Variants in AKAP13 observed in about 807,000 individuals in gnomAD.
The protein encoded by AKAP13 is A-kinase anchor protein 13.
Under a neutral mutation model 264.5 loss-of-function variants are expected in AKAP13, and 80 were observed. That is an observed-to-expected ratio of 0.30 (90% CI 0.25 to 0.36). The LOEUF is 0.36. Among genes scored for constraint, AKAP13 ranks in the 10% least tolerant of loss-of-function variants. The pLI, the probability that AKAP13 is intolerant of heterozygous loss-of-function variation, is 1.00. For synonymous variants in AKAP13, 1,380 were observed against 1,250.2 expected, an observed-to-expected ratio of 1.10 and a Z score of -2.19; for missense variants, 3,712 against 3,435.2, an observed-to-expected ratio of 1.08 and a Z score of -2.01.
chr15:85,465,247 C>G (rs569549905), intron 1 of AKAP13, among the ~76,000 whole-genome samples: 2 of 151,922 alleles, frequency 1.3e-5, no homozygotes, highest in Non-Finnish European at 2.9e-5. Context: ...CCACCACGCC[C>G]GGCCAGGCAT....
intron 2 of AKAP13, among the ~76,000 whole-genome samples, chr15:85,515,239 C>G (rs1190738258): frequency 7.2e-6 from 1 of 138,760 alleles, no homozygotes. Context: ...TATAGAAAAG[C>G]TGTAAGGATA....
intron 1 of AKAP13, among the ~76,000 whole-genome samples, chr15:85,420,383 G>A (rs2072469488): frequency 6.6e-6 from 1 of 152,108 alleles, no homozygotes; most frequent in African/African-American, 2.4e-5. Flanking sequence ...GGATAGGATT[G>A]ATGGCTTCCC....
rs1271851461 is a variant in AKAP13 at position 85,693,268 on chromosome 15, C to T, written c.5290-9C>T. 6.3e-7 allele frequency: 1 copy of T among 1,588,020 alleles called. No homozygotes were observed. Among genetic ancestry groups the T allele is most frequent in the African/African-American group, 1.4e-5 (1 of 73,048 alleles). ...AATTAACTGTGGATTATTTTCTTTTCTTCGGCAGGAAAAGGAAAAAGAAAA... is the reference window on the plus strand; with the variant it reads ...AATTAACTGTGGATTATTTTCTTTTTTTCGGCAGGAAAAGGAAAAAGAAAA... On this transcript the variant is annotated splice_polypyrimidine_tract_variant and intron_variant, in intron 16 of 36. Transcript: ENST00000394518.
rs578262545 is a variant in AKAP13 at position 85,405,747 on chromosome 15, C to T, written c.-12+24949C>T. Among the ~76,000 whole-genome samples, 23 of 152,302 alleles carry T rather than the reference C, an allele frequency of 1.5e-4. No homozygotes were observed. The East Asian group carries it at 2.9e-3, about 19-fold the overall frequency. ...TGCAAGCCGTTCCAGACTTCTCTAA[C>T]GGAGTAGCCTTTAGGACAAATGATA... On this transcript the variant is annotated intron_variant, in intron 1 of 36. Coordinates refer to ENST00000394518, the MANE Select transcript of AKAP13 (RefSeq NM_007200.5).
Position 85,745,638 on chromosome 15 carries a change from G to A in AKAP13, c.*961G>A, listed in dbSNP as rs1443568857. 2 of 152,240 alleles carry A rather than the reference G, an allele frequency of 1.3e-5. No homozygotes were observed. The highest frequency in any genetic ancestry group is 2.4e-5 in the African/African-American group (1 of 41,452). 9.4% of individuals were successfully genotyped at this position (152,240 alleles called of 1,614,324 possible). On this transcript the variant is annotated 3_prime_UTR_variant, in exon 37 of 37. Transcript: ENST00000394518. ...CCCGTCGTGCCTCTCCCAGACAGCAGCTGTCTGGCCCTTGCTGGGTGAGGG... is the reference window on the plus strand; with the variant it reads ...CCCGTCGTGCCTCTCCCAGACAGCAACTGTCTGGCCCTTGCTGGGTGAGGG...
intron 33 of AKAP13, among the ~76,000 whole-genome samples, chr15:85,739,749 T>G (rs2088819775): frequency 6.6e-6 from 1 of 152,208 alleles, no homozygotes; most frequent in Non-Finnish European, 1.5e-5. Flanking sequence ...TTTTTGCCTT[T>G]AACATTTTCA....
At position 85,727,648 on chromosome 15, in the gene AKAP13, G is replaced by A. The variant is rs1464020246; in HGVS notation, c.7087+185G>A. 2.6e-5 allele frequency among the ~76,000 whole-genome samples: 4 copies of A among 152,176 alleles called. No individual in the cohort carries two copies. The highest frequency in any genetic ancestry group is 4.4e-5 in the Non-Finnish European group (3 of 68,032). ...CAAGGCCAGGCTGACATGGGTCCTC[G>A]TAAAGAATGGCTGCAAGGATGTTTC... On this transcript the variant is annotated intron_variant, in intron 29 of 36. Transcript: ENST00000394518. The surrounding 1 kb of genome is among the most constrained non-coding windows in gnomAD (Gnocchi z 5.3).
chr15:85,739,156 C>G (rs1849307703), intron 33 of AKAP13, among the ~76,000 whole-genome samples: 1 of 152,206 alleles, frequency 6.6e-6, no homozygotes, highest in South Asian at 2.1e-4. Flanking sequence ...AATCTTTGTA[C>G]ATACATTGTT....
intron 8 of AKAP13, among the ~76,000 whole-genome samples, chr15:85,623,793 G>A (rs958674130): frequency 6.6e-6 from 1 of 152,172 alleles, no homozygotes; most frequent in Non-Finnish European, 1.5e-5. Flanking sequence ...CATTCCCCCA[G>A]TTCTCCTTTT....
chr15:85,564,075 G>A (rs2078515706), intron 5 of AKAP13, among the ~76,000 whole-genome samples: 1 of 152,102 alleles, frequency 6.6e-6, no homozygotes, highest in Non-Finnish European at 1.5e-5. Flanking sequence ...CTGATAAGAG[G>A]ATTAAATTAG....
intron 8 of AKAP13, among the ~76,000 whole-genome samples, chr15:85,587,709 G>A (rs2079418029): frequency 6.6e-6 from 1 of 152,020 alleles, no homozygotes; most frequent in Non-Finnish European, 1.5e-5. Context: ...TACAATGGCA[G>A]GATCTTGGCT....
At chr15:85,433,278 A>G (rs1490907070) in intron 1 of AKAP13, among the ~76,000 whole-genome samples, 4 of 152,168 alleles carry the variant, frequency 2.6e-5, no homozygotes, top group Non-Finnish European at 5.9e-5. Flanking sequence ...TCCTTATGAT[A>G]AAGTAAAATT....
At position 85,420,093 on chromosome 15, in the gene AKAP13, C is replaced by A. The variant is rs183744248; in HGVS notation, c.-12+39295C>A. Among the ~76,000 whole-genome samples the A allele has an allele frequency of 6.1e-3, 929 of 152,016 alleles. 6 individuals carry two copies. Among genetic ancestry groups the A allele is most frequent in the Non-Finnish European group, 9.0e-3 (608 of 67,868 alleles). On this transcript the variant is annotated intron_variant, in intron 1 of 36. Coordinates refer to ENST00000394518, the MANE Select transcript of AKAP13 (RefSeq NM_007200.5). Reference sequence around the variant, plus strand: ...AGTAGCTGGGACTACAGGCGCCCGCCACTACGCCCGGCTAATTTTTTGTAT... The same window carrying A: ...AGTAGCTGGGACTACAGGCGCCCGCAACTACGCCCGGCTAATTTTTTGTAT...
At chr15:85,644,427 A>G (rs1244108718) in intron 9 of AKAP13, among the ~76,000 whole-genome samples, 2 of 151,152 alleles carry the variant, frequency 1.3e-5, no homozygotes, top group African/African-American at 4.9e-5. Flanking sequence ...TTTTTAGTAG[A>G]GACGGGGTTT....
rs1416850188 is a variant in AKAP13 at position 85,673,391 on chromosome 15, T to C, written c.5101+3561T>C. Reference sequence around the variant, plus strand: ...TCTTGATTCGAAGGGTGGGATATGATGAGCGTGACTTGCCGGCAATTTTTT... The same window carrying C: ...TCTTGATTCGAAGGGTGGGATATGACGAGCGTGACTTGCCGGCAATTTTTT... On this transcript the variant is annotated intron_variant, in intron 14 of 36. Transcript: ENST00000394518. Among the ~76,000 whole-genome samples, 4 of 152,092 alleles carry C rather than the reference T, an allele frequency of 2.6e-5. No homozygotes were observed. The East Asian group carries it at 7.7e-4, about 29-fold the overall frequency.
intron 4 of AKAP13, among the ~76,000 whole-genome samples, chr15:85,542,489 A>C (rs2077606553): frequency 6.6e-6 from 1 of 152,224 alleles, no homozygotes. Flanking sequence ...GTATAGAAGC[A>C]TTTGAGGACT....
chr15:85,471,388 C>A (rs28590112), intron 1 of AKAP13, among the ~76,000 whole-genome samples: 32,781 of 151,614 alleles, frequency 0.22, 4,212 homozygotes, highest in Admixed American at 0.34. Context: ...CCAGCTACTC[C>A]GGAGGCTGAG....
chr15:85,493,044 G>A (rs960857996), intron 2 of AKAP13, among the ~76,000 whole-genome samples: 4 of 152,138 alleles, frequency 2.6e-5, no homozygotes, highest in Non-Finnish European at 5.9e-5. Flanking sequence ...CCTAAAATGG[G>A]GTACCCTTGT....
At chr15:85,645,751 T>C in intron 9 of AKAP13, 67 bp from the exon 10 acceptor site, 1 of 1,491,810 alleles carries the variant, frequency 6.7e-7, no homozygotes, top group Non-Finnish European at 8.9e-7. Flanking sequence ...AAGGAAGTGG[T>C]TCTTTTTGTT....
Sources: allele counts gnomAD v4.1 joint callset (sites outside exome capture counted in the v4.1 genomes callset), GRCh38; gene constraint gnomAD v4.1.1; non-coding constraint Gnocchi (gnomAD v3.1); transcripts MANE v1.5; gene names NCBI Gene and HGNC (gene_info 2026-07-23, HGNC 2026-07-21).